The following DNAH1 variants were observed in gnomAD, a reference collection of about 807,000 sequenced individuals.
DNAH1 encodes dynein axonemal heavy chain 1.
DNAH1 carries 327 observed loss-of-function variants against 484.3 expected under a neutral mutation model. The observed-to-expected ratio is 0.68, with a 90% confidence interval of 0.62 to 0.74. DNAH1 has a LOEUF of 0.74. Among genes scored for constraint, DNAH1 ranks in the 30% least tolerant of loss-of-function variants. The probability of loss-of-function intolerance (pLI) is 0.00; values close to 1 mark genes in which losing one functional copy is unlikely to be tolerated. For synonymous variants in DNAH1, 2,192 were observed against 2,191.9 expected, an observed-to-expected ratio of 1.00 and a Z score of 0.00; for missense variants, 5,052 against 5,546.8, an observed-to-expected ratio of 0.91 and a Z score of 2.83.
At chr3:52,312,721 CG>C (rs1310931666), upstream of DNAH1, among the ~76,000 whole-genome samples, 9 of 152,062 alleles carry the variant, frequency 5.9e-5, no homozygotes, top group African/African-American at 2.2e-4. Flanking sequence ...GGTGCGATCT[CG>C]GCTCACTGCA....
chr3:52,374,416 T>C, intron 44 of DNAH1: 1 of 1,308,276 alleles, frequency 7.6e-7, no homozygotes, highest in Non-Finnish European at 1.1e-6. Flanking sequence ...GAACCAGTGG[T>C]GATGACACTT....
Position 52,357,940 on chromosome 3 carries a change from G to A in DNAH1, c.4023G>A (p.Ser1341=), listed in dbSNP as rs149752071. 121 of 1,613,214 alleles carry A rather than the reference G, an allele frequency of 7.5e-5. No homozygotes were observed. The East Asian group carries it at 2.2e-3, about 29-fold the overall frequency. ...ATGATGAACTACTAGAGATCTTGTC[G>A]CAGACAAAGGACCCCACGGCCGTGC... ...LSDDELLEIL[S]QTKDPTAVQP... The change falls in exon 24 of 78, where the codon TCG becomes TCA. Residue 1341 remains serine (S), a synonymous_variant. Coordinates refer to ENST00000420323, the MANE Select transcript of DNAH1 (RefSeq NM_015512.5).
intron 8 of DNAH1, among the ~76,000 whole-genome samples, chr3:52,339,915 C>CT (rs1701873686): frequency 6.6e-6 from 1 of 151,910 alleles, no homozygotes; most frequent in Non-Finnish European, 1.5e-5. Context: ...ACTTTTGCTT[C>CT]TTTTCCCTTA....
At chr3:52,324,671 G>A (rs919391848) in intron 3 of DNAH1, among the ~76,000 whole-genome samples, 7 of 152,226 alleles carry the variant, frequency 4.6e-5, no homozygotes, top group South Asian at 2.1e-4. Context: ...GTACATTTGC[G>A]CACTTATCTG....
intron 8 of DNAH1, among the ~76,000 whole-genome samples, chr3:52,335,404 ATTTTT>A (rs34295466): frequency 1.4e-5 from 1 of 73,746 alleles, no homozygotes; most frequent in Non-Finnish European, 2.6e-5. Flanking sequence ...GCAATGTGTG[ATTTTT>A]TTTTTTTTTT....
intron 9 of DNAH1, 84 bp downstream of exon 9, chr3:52,344,731 C>A: frequency 6.9e-7 from 1 of 1,452,812 alleles, no homozygotes; most frequent in Non-Finnish European, 9.2e-7. Flanking sequence ...GGATTGTCTG[C>A]CCTGCCATTG....
upstream of DNAH1, among the ~76,000 whole-genome samples, chr3:52,315,652 TC>T (rs1700925836): frequency 6.6e-6 from 1 of 152,208 alleles, no homozygotes; most frequent in African/African-American, 2.4e-5. Context: ...GGCTGACCTC[TC>T]TTCCAGCTTA....
At position 52,388,147 on chromosome 3, in the gene DNAH1, AC is replaced by A; in HGVS notation, c.9004-17del. The A allele has an allele frequency of 8.7e-6, 14 of 1,601,374 alleles. No homozygotes were observed. Among genetic ancestry groups the A allele is most frequent in the Non-Finnish European group, 1.2e-5 (14 of 1,173,878 alleles). On this transcript the variant is annotated intron_variant, in intron 56 of 77. Transcript: ENST00000420323. The stretch of plus-strand genomic sequence containing the variant: ...CACCCTTGAGAAGCAGCCTCTTGAG[AC>A]CCAGGCTTCCCACCTCAGGACAACA...
At chr3:52,311,604 C>T (rs917136882), upstream of DNAH1, among the ~76,000 whole-genome samples, 13 of 152,194 alleles carry the variant, frequency 8.5e-5, no homozygotes, top group African/African-American at 3.1e-4. Context: ...CCCTCCTTTG[C>T]CTGAGTTCAC....
intron 50 of DNAH1, among the ~76,000 whole-genome samples, chr3:52,382,805 A>T (rs543448484): frequency 1.4e-4 from 22 of 152,276 alleles, no homozygotes; most frequent in African/African-American, 5.1e-4. Context: ...CCCTCTTGGG[A>T]TGGCATGAGG....
rs771358640 is a variant in DNAH1 at position 52,326,856 on chromosome 3, C to G, written c.703C>G (p.His235Asp). The G allele has an allele frequency of 1.9e-6, 3 of 1,613,462 alleles. No homozygotes were observed. In the South Asian group the frequency reaches 3.3e-5, roughly 18 times the overall value. Residue 235 changes from histidine (H) to aspartate (D), a missense_variant, in exon 5 of 78, where the codon CAT becomes GAT. Transcript: ENST00000420323. ...GCACCCCCAAACCATCGAACAGGGC[C>G]ATGACCCAATCTTCCCCATCTACCT... is the stretch of plus-strand genomic sequence containing the variant. ...HQHPQTIEQGHDPIFPIYLPL... is the reference protein window; with the variant it reads ...HQHPQTIEQGDDPIFPIYLPL...
intron 8 of DNAH1, among the ~76,000 whole-genome samples, chr3:52,337,231 A>G (rs2153223429): frequency 6.6e-6 from 1 of 152,240 alleles, no homozygotes; most frequent in Middle Eastern, 3.4e-3. Context: ...CTTAGCTTGA[A>G]CATTATTGGT....
chr3:52,397,976 C>T (rs1316212938), intron 74 of DNAH1, 56 bp from the exon 75 acceptor site: 5 of 1,592,478 alleles, frequency 3.1e-6, no homozygotes, highest in Non-Finnish European at 4.3e-6. Flanking sequence ...ATGTGGAATC[C>T]CACAGGGGAT....
chr3:52,385,269 G>T (rs1295192707), intron 53 of DNAH1, 68 bp from the exon 54 acceptor site: 8 of 1,465,028 alleles, frequency 5.5e-6, no homozygotes, highest in Middle Eastern at 1.7e-4. Context: ...AATGAGGGCG[G>T]CCCAGCAGGC....
Position 52,357,742 on chromosome 3 carries a change from GC to G in DNAH1, c.3980+9del. The G allele has an allele frequency of 6.4e-7, 1 of 1,573,580 alleles. No individual in the cohort carries two copies. The highest frequency in any genetic ancestry group is 2.3e-5 in the East Asian group (1 of 42,580). ...AGAGGAGCGCCTTCCCCAGGTGGGC[GC>G]CACCTGGCCATGCCCACTCCGCCAC... On this transcript the variant is annotated splice_region_variant and intron_variant, in intron 23 of 77. Transcript: ENST00000420323.
At chr3:52,367,035 C>T (rs1461738543) in intron 36 of DNAH1, 148 bp downstream of exon 36, 22 of 974,628 alleles carry the variant, frequency 2.3e-5, no homozygotes, top group Non-Finnish European at 8.9e-6. Context: ...TCTACTTCCT[C>T]GCTGAGTGAC....
chr3:52,359,604 C>A (rs1702770007), intron 26 of DNAH1, among the ~76,000 whole-genome samples: 1 of 152,200 alleles, frequency 6.6e-6, no homozygotes, highest in Non-Finnish European at 1.5e-5. Flanking sequence ...AGTGAGGGAG[C>A]CACGCGCCTG....
intron 63 of DNAH1, among the ~76,000 whole-genome samples, chr3:52,392,206 G>A (rs544119953): frequency 1.8e-4 from 27 of 152,290 alleles, no homozygotes; most frequent in African/African-American, 5.5e-4. Context: ...GACCCCAGCC[G>A]CTCACACATC....
chr3:52,378,816 A>T (rs1032345706), intron 47 of DNAH1, 36 bp downstream of exon 47: 2 of 1,610,982 alleles, frequency 1.2e-6, no homozygotes, highest in Non-Finnish European at 1.7e-6. Context: ...CAGTGCCCAC[A>T]CTGCTCTCCG....
Sources: gnomAD v4.1 joint callset for allele counts (sites outside exome capture counted in the v4.1 genomes callset) on GRCh38, gnomAD v4.1.1 for gene constraint, MANE v1.5 for transcripts, NCBI Gene and HGNC (gene_info 2026-07-23, HGNC 2026-07-21) for gene names.